The following CCDC92B variants were observed in gnomAD, a reference collection of about 807,000 sequenced individuals.
CCDC92B encodes coiled-coil domain-containing 92B.
Under a neutral mutation model 5.6 loss-of-function variants are expected in CCDC92B, and 2 were observed. The observed-to-expected ratio is 0.36, with a 90% CI of 0.15 to 1.12. CCDC92B has a LOEUF of 1.12. CCDC92B is among the 50% of genes most tolerant of loss of function. The pLI, the probability that CCDC92B is intolerant of heterozygous loss-of-function variation, is 0.40. For missense variants in CCDC92B, 271 were observed against 262.2 expected (o/e 1.03, Z -0.23); for synonymous variants, 115 against 122.3 (o/e 0.94, Z 0.39).
intron 1 of CCDC92B, among the ~76,000 whole-genome samples, chr17:2,741,734 A>G (rs551032353): frequency 6.7e-6 from 1 of 150,324 alleles, no homozygotes; most frequent in Admixed American, 6.6e-5. Context: ...CTGGGACTAC[A>G]GGGGCCCACG....
At chr17:2,748,266 T>C (rs2071011021) in intron 1 of CCDC92B, 4 of 958,152 alleles carry the variant, frequency 4.2e-6, no homozygotes, top group Admixed American at 2.3e-5. Flanking sequence ...TCTTGAAGCC[T>C]GACCCATCCT....
At chr17:2,745,675 A>C (rs1040872812) in intron 1 of CCDC92B, among the ~76,000 whole-genome samples, 3 of 152,186 alleles carry the variant, frequency 2.0e-5, no homozygotes, top group Non-Finnish European at 4.4e-5. Context: ...TAAGCCAGGA[A>C]AACGTCCGAT....
chr17:2,739,891 C>A (rs972725341), intron 1 of CCDC92B, among the ~76,000 whole-genome samples: 1 of 152,016 alleles, frequency 6.6e-6, no homozygotes, highest in African/African-American at 2.4e-5. Context: ...CAAGCACTGT[C>A]CTGGGTTTGG....
intron 1 of CCDC92B, among the ~76,000 whole-genome samples, chr17:2,747,604 G>A (rs1012401102): frequency 6.6e-6 from 1 of 152,194 alleles, no homozygotes; most frequent in Non-Finnish European, 1.5e-5. Context: ...GCACGCACCT[G>A]TAGTACCAGC....
intron 1 of CCDC92B, among the ~76,000 whole-genome samples, chr17:2,747,141 C>A (rs1244256459): frequency 3.3e-5 from 5 of 152,218 alleles, no homozygotes; most frequent in Non-Finnish European, 5.9e-5. Flanking sequence ...CCCCACACTT[C>A]TTGTGACCTG....
chr17:2,726,443 A>C (rs1258916607), intron 3 of CCDC92B, among the ~76,000 whole-genome samples: 1 of 151,654 alleles, frequency 6.6e-6, no homozygotes, highest in Non-Finnish European at 1.5e-5. Context: ...CAGCCTCCCA[A>C]AGTGCTGGGA....
At position 2,729,297 on chromosome 17, in the gene CCDC92B, C is replaced by T. The variant is rs543062040; in HGVS notation, c.178+1149G>A. Among the ~76,000 whole-genome samples the T allele has an allele frequency of 2.0e-5, 3 of 152,186 alleles. No homozygotes were observed. The East Asian group carries it at 5.8e-4, about 29-fold the overall frequency. On this transcript the variant is annotated intron_variant, in intron 3 of 3. Coordinates refer to ENST00000614400, the MANE Select transcript of CCDC92B (RefSeq NM_001355573.2). ...CCTGAGGTCAAGAGTTTGAGACCAG[C>T]CTGGCCAACATGGTGAAACCCTGTC... is the stretch of plus-strand genomic sequence containing the variant.
At chr17:2,740,409 C>G (rs1187363053) in intron 1 of CCDC92B, among the ~76,000 whole-genome samples, 1 of 152,028 alleles carries the variant, frequency 6.6e-6, no homozygotes, top group African/African-American at 2.4e-5. Flanking sequence ...TGCCTGTAAT[C>G]TCAGCACTTT....
chr17:2,726,859 C>T (rs1251554471), intron 3 of CCDC92B, among the ~76,000 whole-genome samples: 4 of 151,882 alleles, frequency 2.6e-5, no homozygotes, highest in Middle Eastern at 3.4e-3. Flanking sequence ...GTGATCCACC[C>T]GCCTCGGACT....
At chr17:2,729,041 TA>T (rs953532497) in intron 3 of CCDC92B, among the ~76,000 whole-genome samples, 13 of 151,164 alleles carry the variant, frequency 8.6e-5, no homozygotes, top group Admixed American at 1.3e-4. Flanking sequence ...TTTTTAATAT[TA>T]AAAAAAAATG....
At chr17:2,738,714 C>T (rs1022702740) in intron 1 of CCDC92B, among the ~76,000 whole-genome samples, 6 of 148,714 alleles carry the variant, frequency 4.0e-5, no homozygotes, top group East Asian at 2.0e-4. Context: ...GAGCTGAGAT[C>T]GCGCCACTGC....
intron 1 of CCDC92B, among the ~76,000 whole-genome samples, chr17:2,737,537 C>T (rs1014078093): frequency 4.3e-5 from 6 of 138,414 alleles, no homozygotes; most frequent in African/African-American, 1.1e-4. Context: ...TGCAGTGGCA[C>T]GATCTCGGCT....
intron 3 of CCDC92B, among the ~76,000 whole-genome samples, chr17:2,725,505 C>T (rs143220052): frequency 6.6e-4 from 100 of 151,848 alleles, no homozygotes; most frequent in Middle Eastern, 3.4e-3. Flanking sequence ...GTTCCGCCCT[C>T]GTACCTACTC....
Position 2,743,370 on chromosome 17 carries a change from G to T in CCDC92B, c.-24+6041C>A, listed in dbSNP as rs570188582. Among the ~76,000 whole-genome samples the T allele has an allele frequency of 2.1e-4, 32 of 152,292 alleles. No homozygotes were observed. In the South Asian group the frequency reaches 6.4e-3, roughly 31 times the overall value. On this transcript the variant is annotated intron_variant, in intron 1 of 3. Coordinates refer to ENST00000614400, the MANE Select transcript of CCDC92B (RefSeq NM_001355573.2). Reference sequence around the variant, plus strand: ...CTCTTGAACCCGGGAGGCAGAGGTTGCAGTGAGCCGAGATCTCACTGCTGC... The same window carrying T: ...CTCTTGAACCCGGGAGGCAGAGGTTTCAGTGAGCCGAGATCTCACTGCTGC...
intron 1 of CCDC92B, among the ~76,000 whole-genome samples, chr17:2,736,712 T>C (rs1331320250): frequency 6.6e-6 from 1 of 151,586 alleles, no homozygotes; most frequent in African/African-American, 2.4e-5. Context: ...ACCCCATCTC[T>C]ACTAAAAATA....
chr17:2,733,539 G>A (rs917823069), intron 2 of CCDC92B, among the ~76,000 whole-genome samples: 2 of 151,908 alleles, frequency 1.3e-5, no homozygotes, highest in African/African-American at 4.8e-5. Flanking sequence ...GATTACAGGC[G>A]TGAGCCACCG....
chr17:2,724,602 C>T lies in CCDC92B; in HGVS notation c.577G>A (p.Ala193Thr), dbSNP rs2070702104. 1 of 981,882 alleles carries T rather than the reference C, an allele frequency of 1.0e-6. No homozygotes were observed. Among genetic ancestry groups the T allele is most frequent in the South Asian group, 4.6e-5 (1 of 21,882 alleles). The allele number at this position is 981,882 out of a possible 1,614,324, so 60.8% of individuals were successfully genotyped here. A position where few individuals can be genotyped will look rare whatever the true frequency, so the allele number is the denominator to read the frequency against. ...AAKGPGRDWA[A>T]WDRGAGALDD... ...AGGGCGCCGGCCCCGCGGTCCCAGGCGGCCCAGTCCCGGCCGGGGCCCTTG... is the reference window on the plus strand; with the variant it reads ...AGGGCGCCGGCCCCGCGGTCCCAGGTGGCCCAGTCCCGGCCGGGGCCCTTG... The change falls in exon 4 of 4, where the codon GCC (alanine) becomes ACC (threonine). Residue 193 changes from alanine (A) to threonine (T), a missense_variant. By Grantham distance (58) the Ala-to-Thr change is moderately conservative (BLOSUM62 0). Coordinates refer to ENST00000614400, the MANE Select transcript of CCDC92B (RefSeq NM_001355573.2). This position sits in a 1 kb window ranked among gnomAD's most constrained non-coding sequence, Gnocchi z 5.0.
At chr17:2,743,228 G>C (rs952134445) in intron 1 of CCDC92B, among the ~76,000 whole-genome samples, 5 of 152,132 alleles carry the variant, frequency 3.3e-5, no homozygotes, top group Admixed American at 6.6e-5. Flanking sequence ...TCAGGAGTTC[G>C]AGACCAGCCT....
chr17:2,741,287 C>T (rs112286194), intron 1 of CCDC92B, among the ~76,000 whole-genome samples: 25 of 152,122 alleles, frequency 1.6e-4, no homozygotes, highest in African/African-American at 5.3e-4. Context: ...CAGACATTGC[C>T]GCTGCTAGTA....
Sources: gnomAD v4.1 joint callset for allele counts (sites outside exome capture counted in the v4.1 genomes callset) on GRCh38, gnomAD v4.1.1 for gene constraint, Gnocchi (gnomAD v3.1) non-coding constraint, MANE v1.5 for transcripts, NCBI Gene and HGNC (gene_info 2026-07-23, HGNC 2026-07-21) for gene names.